CHRM3: variants seen among roughly 807,000 people sequenced by gnomAD.
CHRM3 encodes the protein cholinergic receptor muscarinic 3.
In CHRM3, 11 loss-of-function variants were observed where a neutral mutation model predicts 41.8. The observed-to-expected ratio is 0.26, with a 90% CI of 0.17 to 0.44. The LOEUF is 0.44. CHRM3 is among the 20% of genes least tolerant of loss of function. The pLI, the probability that CHRM3 is intolerant of heterozygous loss-of-function variation, is 1.00. For synonymous variants in CHRM3, 297 were observed against 301.4 expected (o/e 0.99, Z 0.15); for missense variants, 571 against 745.4 (o/e 0.77, Z 2.72).
chr1:239,761,008 A>G (rs1572207672), intron 5 of CHRM3, among the ~76,000 whole-genome samples: 1 of 151,970 alleles, frequency 6.6e-6, no homozygotes, highest in Non-Finnish European at 1.5e-5. Flanking sequence ...CTGAGATTCC[A>G]ATTATCTTTT....
intron 5 of CHRM3, among the ~76,000 whole-genome samples, chr1:239,678,546 A>T (rs1268000044): frequency 6.6e-6 from 1 of 152,204 alleles, no homozygotes; most frequent in African/African-American, 2.4e-5. Context: ...GAAAGTATAC[A>T]CTTATATGGT....
At chr1:239,423,196 C>A (rs893363969) in intron 1 of CHRM3, among the ~76,000 whole-genome samples, 1 of 152,158 alleles carries the variant, frequency 6.6e-6, no homozygotes, top group Admixed American at 6.6e-5. Context: ...TTATCTTCTT[C>A]CGCATTTTTT....
intron 6 of CHRM3, among the ~76,000 whole-genome samples, chr1:239,878,943 C>T (rs553660108): frequency 4.3e-4 from 66 of 152,216 alleles, no homozygotes; most frequent in African/African-American, 1.6e-3. Flanking sequence ...TAAGACAGGA[C>T]TTTACAGGTC....
At chr1:239,796,897 A>G (rs188982006) in intron 5 of CHRM3, among the ~76,000 whole-genome samples, 32 of 152,166 alleles carry the variant, frequency 2.1e-4, no homozygotes, top group Admixed American at 8.5e-4. Flanking sequence ...CACTCACTAC[A>G]GGACACTTTA....
intron 5 of CHRM3, among the ~76,000 whole-genome samples, chr1:239,780,539 G>A (rs1668434365): frequency 6.6e-6 from 1 of 151,948 alleles, no homozygotes; most frequent in Non-Finnish European, 1.5e-5. Flanking sequence ...TATGTGTTTT[G>A]CAAATATTTT....
chr1:239,568,420 T>C (rs72756768), intron 3 of CHRM3, among the ~76,000 whole-genome samples: 5,146 of 152,268 alleles, frequency 0.034, 107 homozygotes, highest in Middle Eastern at 0.058. Context: ...TCTGCCACCA[T>C]GGAAGACATG....
intron 5 of CHRM3, among the ~76,000 whole-genome samples, chr1:239,799,505 C>G (rs1670047450): frequency 6.6e-6 from 1 of 152,126 alleles, no homozygotes; most frequent in Non-Finnish European, 1.5e-5. Flanking sequence ...CACCTACCCT[C>G]CCAGGGAACC....
At chr1:239,818,925 TC>T (rs1671815357) in intron 5 of CHRM3, among the ~76,000 whole-genome samples, 2 of 152,186 alleles carry the variant, frequency 1.3e-5, no homozygotes, top group Admixed American at 1.3e-4. Context: ...GCTGTGAAGC[TC>T]CTGTTGTTTG....
intron 6 of CHRM3, among the ~76,000 whole-genome samples, chr1:239,838,308 T>C (rs757292041): frequency 2.0e-5 from 3 of 152,184 alleles, no homozygotes; most frequent in Non-Finnish European, 4.4e-5. Flanking sequence ...TGGGACTCTA[T>C]GGAAGGTGTT....
At chr1:239,889,493 C>T (rs1450791569) in intron 6 of CHRM3, among the ~76,000 whole-genome samples, 4 of 152,154 alleles carry the variant, frequency 2.6e-5, no homozygotes, top group Non-Finnish European at 5.9e-5. Context: ...TTCCCCTGTA[C>T]AAGCTTCCAG....
intron 1 of CHRM3, among the ~76,000 whole-genome samples, chr1:239,431,968 A>AG (rs1424104949): frequency 6.6e-6 from 1 of 152,164 alleles, no homozygotes; most frequent in Non-Finnish European, 1.5e-5. Context: ...AGTAGGAACC[A>AG]GGCTCCCAGG....
chr1:239,530,317 A>T (rs975486635), intron 2 of CHRM3, among the ~76,000 whole-genome samples: 13 of 152,298 alleles, frequency 8.5e-5, no homozygotes, highest in Middle Eastern at 3.4e-3. Flanking sequence ...TCAGCTTTCT[A>T]TCCCAACAAA....
At chr1:239,487,780 AT>A (rs1285555917) in intron 1 of CHRM3, among the ~76,000 whole-genome samples, 6 of 151,226 alleles carry the variant, frequency 4.0e-5, no homozygotes, top group Non-Finnish European at 5.9e-5. Context: ...GAAAAATTGT[AT>A]TGCTTTTTAT....
At chr1:239,898,351 C>A (rs1429100203) in intron 6 of CHRM3, 1 of 152,152 alleles carries the variant, frequency 6.6e-6, no homozygotes, top group African/African-American at 2.4e-5. Context: ...GTGGTATTGC[C>A]ATTCACCAGG....
intron 3 of CHRM3, among the ~76,000 whole-genome samples, chr1:239,566,176 G>A (rs921035775): frequency 3.3e-5 from 5 of 152,104 alleles, no homozygotes; most frequent in East Asian, 1.9e-4. Flanking sequence ...CTCTCCTAGC[G>A]TGCTGGGATT....
chr1:239,564,379 C>T (rs1472245065), intron 3 of CHRM3, among the ~76,000 whole-genome samples: 2 of 152,046 alleles, frequency 1.3e-5, no homozygotes, highest in Non-Finnish European at 2.9e-5. Flanking sequence ...ATGCTTAAAT[C>T]ACGCAATTTA....
chr1:239,724,110 C>A lies in CHRM3; in HGVS notation c.-147+45822C>A, dbSNP rs577767796. On this transcript the variant is annotated intron_variant, in intron 5 of 6. Transcript: ENST00000676153. ...TATTGGCCCAAAGTCAGAAGCCTTG[C>A]CTTTTTTGGTCATGTTGTAGATGCT... Among the ~76,000 whole-genome samples, 223 of 151,838 alleles carry A rather than the reference C, an allele frequency of 1.5e-3. 4 individuals are homozygous for A. In the Middle Eastern group the frequency reaches 0.02, roughly 14 times the overall value.
chr1:239,752,675 AG>A (rs1219399259), intron 5 of CHRM3, among the ~76,000 whole-genome samples: 2 of 152,194 alleles, frequency 1.3e-5, no homozygotes, highest in Non-Finnish European at 2.9e-5. Context: ...TAATGTTGTC[AG>A]GTTGTGACAA....
chr1:239,681,906 G>A (rs919485181), intron 5 of CHRM3, among the ~76,000 whole-genome samples: 1 of 152,040 alleles, frequency 6.6e-6, no homozygotes, highest in Non-Finnish European at 1.5e-5. Flanking sequence ...AAAAAAGAAA[G>A]ATGTTATAAG....
Sources: allele counts gnomAD v4.1 joint callset (sites outside exome capture counted in the v4.1 genomes callset), GRCh38; gene constraint gnomAD v4.1.1; transcripts MANE v1.5; gene names NCBI Gene and HGNC (gene_info 2026-07-23, HGNC 2026-07-21).